The following PDZD2 variants were observed in gnomAD, a reference collection of about 807,000 sequenced individuals.
The protein encoded by PDZD2 is PDZ domain containing 2, also known as PDZ domain-containing protein 2.
In PDZD2, 90 loss-of-function variants were observed where a neutral mutation model predicts 220.7. The observed-to-expected ratio is 0.41, with a 90% CI of 0.34 to 0.49. PDZD2 has a LOEUF of 0.49. PDZD2 is among the 20% of genes least tolerant of loss of function. The pLI, the probability that PDZD2 is intolerant of heterozygous loss-of-function variation, is 0.28. For synonymous variants in PDZD2, 1,375 were observed against 1,450.5 expected (o/e 0.95, Z 1.18); for missense variants, 3,174 against 3,608.5 (o/e 0.88, Z 3.08).
At chr5:32,057,816 TA>T in intron 11 of PDZD2, 61 bp from the exon 12 acceptor site, 1 of 1,405,846 alleles carries the variant, frequency 7.1e-7, no homozygotes, top group Non-Finnish European at 1.0e-6. Context: ...TTTTTTTTTT[TA>T]ACCCTTTGAT....
At chr5:31,926,034 C>T (rs542525773) in intron 2 of PDZD2, among the ~76,000 whole-genome samples, 7 of 151,884 alleles carry the variant, frequency 4.6e-5, no homozygotes, top group East Asian at 3.9e-4. Flanking sequence ...GCCTAGGAAA[C>T]GCATAGCAAG....
At chr5:31,999,685 A>G (rs553156239) in intron 4 of PDZD2, among the ~76,000 whole-genome samples, 42 of 152,282 alleles carry the variant, frequency 2.8e-4, no homozygotes, top group Admixed American at 9.2e-4. Flanking sequence ...ATCCCTGGGA[A>G]GAGAGGAGTG....
intron 12 of PDZD2, 41 bp from the exon 13 acceptor site, chr5:32,059,198 T>C (rs1739437503): frequency 9.4e-7 from 1 of 1,062,982 alleles, no homozygotes; most frequent in Non-Finnish European, 1.5e-6. Flanking sequence ...AGTGATTGTG[T>C]AATTTTTGTT....
At chr5:31,980,829 G>A (rs1391776685) in intron 2 of PDZD2, among the ~76,000 whole-genome samples, 1 of 152,170 alleles carries the variant, frequency 6.6e-6, no homozygotes, top group Non-Finnish European at 1.5e-5. Context: ...TGTCGCCCAG[G>A]CTGGAGTGCA....
intron 3 of PDZD2, among the ~76,000 whole-genome samples, chr5:31,989,485 C>T (rs1260606266): frequency 4.8e-5 from 7 of 145,556 alleles, no homozygotes; most frequent in Non-Finnish European, 1.0e-4. Context: ...TGCAGTGGCG[C>T]GATCTTGGCT....
intron 2 of PDZD2, among the ~76,000 whole-genome samples, chr5:31,934,314 A>G (rs1173831686): frequency 6.6e-6 from 1 of 152,130 alleles, no homozygotes; most frequent in East Asian, 1.9e-4. Context: ...GAAGTTACCC[A>G]CACGATCAAC....
chr5:32,042,796 T>C (rs1302380297), intron 7 of PDZD2, among the ~76,000 whole-genome samples: 2 of 152,078 alleles, frequency 1.3e-5, no homozygotes, highest in Non-Finnish European at 2.9e-5. Flanking sequence ...AAGGCCTTTG[T>C]GTTTGGGGCG....
At chr5:31,807,246 A>G (rs1754786883) in intron 2 of PDZD2, among the ~76,000 whole-genome samples, 2 of 152,084 alleles carry the variant, frequency 1.3e-5, no homozygotes, top group Non-Finnish European at 2.9e-5. Flanking sequence ...ATCTTTGTAC[A>G]GTAATAAACG....
At chr5:31,674,449 A>G (rs1746328860) in intron 1 of PDZD2, among the ~76,000 whole-genome samples, 1 of 152,262 alleles carries the variant, frequency 6.6e-6, no homozygotes, top group South Asian at 2.1e-4. Context: ...TTTATTAGCC[A>G]AAACCAAAAA....
At chr5:31,855,442 C>T (rs1472459551) in intron 2 of PDZD2, among the ~76,000 whole-genome samples, 1 of 152,192 alleles carries the variant, frequency 6.6e-6, no homozygotes, top group Admixed American at 6.5e-5. Context: ...AGGAGGCGCC[C>T]CGGCTGTGTG....
chr5:31,674,592 G>A (rs1746333855), intron 1 of PDZD2, among the ~76,000 whole-genome samples: 1 of 152,202 alleles, frequency 6.6e-6, no homozygotes, highest in African/African-American at 2.4e-5. Flanking sequence ...CTGGTCTTGG[G>A]TGGTGGCTGT....
intron 6 of PDZD2, among the ~76,000 whole-genome samples, chr5:32,034,978 G>C (rs1375864832): frequency 6.6e-6 from 1 of 152,174 alleles, no homozygotes; most frequent in East Asian, 1.9e-4. Context: ...GCCAGTTCCT[G>C]ATAAGGTAAT....
At chr5:31,950,998 T>C (rs992518414) in intron 2 of PDZD2, among the ~76,000 whole-genome samples, 13 of 152,188 alleles carry the variant, frequency 8.5e-5, no homozygotes, top group African/African-American at 2.9e-4. Context: ...CTGTTCCTCA[T>C]AGATGGCACC....
intron 18 of PDZD2, 146 bp from the exon 19 acceptor site, chr5:32,077,315 TA>T (rs1741389287): frequency 1.4e-6 from 1 of 731,886 alleles, no homozygotes; most frequent in South Asian, 1.7e-5. Flanking sequence ...TAGCAGACCT[TA>T]AACCCACAAT....
At chr5:31,915,284 C>T (rs543932847) in intron 2 of PDZD2, among the ~76,000 whole-genome samples, 2 of 152,294 alleles carry the variant, frequency 1.3e-5, no homozygotes, top group South Asian at 4.2e-4. Flanking sequence ...GGCATCTACA[C>T]TTGGCCCTTC....
chr5:31,670,482 T>C (rs1472588528), intron 1 of PDZD2, among the ~76,000 whole-genome samples: 1 of 152,142 alleles, frequency 6.6e-6, no homozygotes, highest in Non-Finnish European at 1.5e-5. Flanking sequence ...AGTGGCGCGA[T>C]CTCAGCTCAC....
At chr5:31,830,735 A>G (rs1025745374) in intron 2 of PDZD2, among the ~76,000 whole-genome samples, 1 of 152,126 alleles carries the variant, frequency 6.6e-6, no homozygotes, top group Non-Finnish European at 1.5e-5. Flanking sequence ...TGTCTTCAGG[A>G]TAAAGTTACA....
At chr5:31,788,976 G>A (rs1753544659) in intron 1 of PDZD2, among the ~76,000 whole-genome samples, 1 of 152,190 alleles carries the variant, frequency 6.6e-6, no homozygotes, top group African/African-American at 2.4e-5. Context: ...TATGTTCAGG[G>A]CCTTGAATCT....
intron 2 of PDZD2, among the ~76,000 whole-genome samples, chr5:31,852,431 G>A (rs552608285): frequency 2.3e-4 from 35 of 151,052 alleles, no homozygotes; most frequent in Admixed American, 5.9e-4. Context: ...GACCACAGGC[G>A]CGTGCCATCA....
Sources: gnomAD v4.1 joint callset for allele counts (sites outside exome capture counted in the v4.1 genomes callset) on GRCh38, gnomAD v4.1.1 for gene constraint, MANE v1.5 for transcripts, NCBI Gene and HGNC (gene_info 2026-07-23, HGNC 2026-07-21) for gene names.